The following FTO variants were observed in gnomAD, a reference collection of about 807,000 sequenced individuals.
FTO encodes FTO alpha-ketoglutarate dependent dioxygenase.
In FTO, 47 loss-of-function variants were observed where a neutral mutation model predicts 63.9. That is an observed-to-expected ratio of 0.74 (90% CI 0.58 to 0.94). FTO has a LOEUF of 0.94. FTO is among the 40% of genes least tolerant of loss of function. The pLI, the probability that FTO is intolerant of heterozygous loss-of-function variation, is 0.00. For synonymous variants in FTO, 207 were observed against 224.4 expected (o/e 0.92, Z 0.69); for missense variants, 562 against 618.1 (o/e 0.91, Z 0.96).
chr16:53,846,514 A>G (rs996609082), intron 4 of FTO, among the ~76,000 whole-genome samples: 1 of 152,178 alleles, frequency 6.6e-6, no homozygotes, highest in African/African-American at 2.4e-5. Flanking sequence ...TAAAAATATA[A>G]AAGTGGCTGG....
At chr16:53,941,196 A>G (rs969350663) in intron 8 of FTO, among the ~76,000 whole-genome samples, 4 of 152,186 alleles carry the variant, frequency 2.6e-5, no homozygotes, top group African/African-American at 7.2e-5. Flanking sequence ...ACTATTATTT[A>G]TTGAGTGTTT....
chr16:53,833,074 G>A (rs775621812), intron 3 of FTO, among the ~76,000 whole-genome samples: 6 of 152,094 alleles, frequency 3.9e-5, no homozygotes, highest in Admixed American at 6.5e-5. Context: ...TCATGAGGCC[G>A]GTCTTTCCCG....
intron 8 of FTO, chr16:53,991,963 C>G (rs1166813173): frequency 6.6e-6 from 1 of 152,156 alleles, no homozygotes; most frequent in Non-Finnish European, 1.5e-5. Context: ...ACACTTCTCC[C>G]CGCCTCCACC....
intron 4 of FTO, among the ~76,000 whole-genome samples, chr16:53,857,555 G>T (rs2080043053): frequency 6.6e-6 from 1 of 152,034 alleles, no homozygotes; most frequent in Non-Finnish European, 1.5e-5. Context: ...TGGTGCTAGA[G>T]TAGGCTTGGA....
intron 8 of FTO, among the ~76,000 whole-genome samples, chr16:54,023,239 C>A (rs988205856): frequency 6.6e-6 from 1 of 152,076 alleles, no homozygotes; most frequent in Non-Finnish European, 1.5e-5. Context: ...GGTGTAACAG[C>A]AAACCGGGGT....
At chr16:53,984,946 G>T (rs1450294366) in intron 8 of FTO, 1 of 456,608 alleles carries the variant, frequency 2.2e-6, no homozygotes, top group Non-Finnish European at 4.4e-6. Context: ...AGGGCAGAGA[G>T]GAGTGTTGGT....
At chr16:53,925,297 A>G (rs1278482762) in intron 7 of FTO, among the ~76,000 whole-genome samples, 1 of 152,148 alleles carries the variant, frequency 6.6e-6, no homozygotes, top group Non-Finnish European at 1.5e-5. Flanking sequence ...ATACAGCCCT[A>G]ACATGAGACA....
intron 8 of FTO, among the ~76,000 whole-genome samples, chr16:54,086,677 C>T (rs541235484): frequency 1.3e-4 from 20 of 152,190 alleles, no homozygotes; most frequent in Non-Finnish European, 2.6e-4. Context: ...ATGGATCTAA[C>T]CTTTCTTCAT....
At chr16:53,840,886 GGA>G (rs2079454563) in intron 3 of FTO, among the ~76,000 whole-genome samples, 1 of 151,808 alleles carries the variant, frequency 6.6e-6, no homozygotes, top group Non-Finnish European at 1.5e-5. Context: ...AGGGTAGCTG[GGA>G]ATTTGGATTT....
intron 1 of FTO, among the ~76,000 whole-genome samples, chr16:53,748,973 C>T (rs1196017029): frequency 6.6e-6 from 1 of 151,564 alleles, no homozygotes; most frequent in African/African-American, 2.4e-5. Flanking sequence ...ACCATGTGGG[C>T]CAGGCTGGTC....
At chr16:53,802,821 A>G (rs1291170304) in intron 1 of FTO, among the ~76,000 whole-genome samples, 1 of 152,004 alleles carries the variant, frequency 6.6e-6, no homozygotes, top group Non-Finnish European at 1.5e-5. Context: ...TATTATAACT[A>G]ATTTGTGTTG....
chr16:53,733,244 T>C (rs574046597), intron 1 of FTO, among the ~76,000 whole-genome samples: 2 of 152,096 alleles, frequency 1.3e-5, no homozygotes, highest in Admixed American at 1.3e-4. Flanking sequence ...CTACTAAAGA[T>C]ACGAAAAATT....
chr16:53,885,772 A>G (rs1354633774), intron 6 of FTO, among the ~76,000 whole-genome samples: 2 of 152,126 alleles, frequency 1.3e-5, no homozygotes, highest in East Asian at 3.9e-4. Context: ...TTTTAGAGAC[A>G]TGGCCTCACT....
intron 1 of FTO, among the ~76,000 whole-genome samples, chr16:53,744,523 CA>C (rs1019757819): frequency 6.6e-6 from 1 of 152,160 alleles, no homozygotes; most frequent in African/African-American, 2.4e-5. Flanking sequence ...CCTTGTCAGG[CA>C]GGGGGCACTT....
chr16:53,806,734 C>CT (rs1567312054), intron 1 of FTO, among the ~76,000 whole-genome samples: 2 of 152,106 alleles, frequency 1.3e-5, no homozygotes, highest in Non-Finnish European at 1.5e-5. Context: ...TGATTCCAAG[C>CT]TTTTTTTCTA....
chr16:54,081,014 A>G (rs542958426), intron 8 of FTO, among the ~76,000 whole-genome samples: 5 of 152,348 alleles, frequency 3.3e-5, no homozygotes, highest in African/African-American at 1.2e-4. Flanking sequence ...TATAATGTTA[A>G]TATTTAAGAA....
At chr16:54,101,149 G>GT (rs1599368643) in intron 8 of FTO, among the ~76,000 whole-genome samples, 5 of 151,466 alleles carry the variant, frequency 3.3e-5, no homozygotes, top group Admixed American at 6.6e-5. Context: ...TTTATTTTAG[G>GT]TTTAGGGGTA....
chr16:53,919,268 A>G (rs1567436822), intron 7 of FTO, among the ~76,000 whole-genome samples: 1 of 152,176 alleles, frequency 6.6e-6, no homozygotes, highest in Admixed American at 6.5e-5. Flanking sequence ...AAAGCACCCA[A>G]TAATGTTGGC....
At chr16:53,907,955 G>A (rs1457429545) in intron 7 of FTO, among the ~76,000 whole-genome samples, 2 of 152,182 alleles carry the variant, frequency 1.3e-5, no homozygotes, top group Non-Finnish European at 2.9e-5. Flanking sequence ...GAGGCACTGA[G>A]ATTCTATGGC....
Sources: allele counts gnomAD v4.1 joint callset (sites outside exome capture counted in the v4.1 genomes callset), GRCh38; gene constraint gnomAD v4.1.1; transcripts MANE v1.5; gene names NCBI Gene and HGNC (gene_info 2026-07-23, HGNC 2026-07-21).